TNKS: variants seen among roughly 807,000 people sequenced by gnomAD.
The protein encoded by TNKS is poly [ADP-ribose] polymerase tankyrase-1.
A neutral mutation model predicts 135.8 loss-of-function variants in TNKS; 72 were observed. The observed-to-expected ratio is 0.53, with a 90% CI of 0.44 to 0.64. TNKS has a LOEUF of 0.64. Among genes scored for constraint, TNKS ranks in the 30% least tolerant of loss-of-function variants. The pLI, the probability that TNKS is intolerant of heterozygous loss-of-function variation, is 0.00. For missense variants in TNKS, 1,769 were observed against 1,674.0 expected (o/e 1.06, Z -0.99); for synonymous variants, 849 against 649.3 (o/e 1.31, Z -4.68).
At chr8:9,678,011 C>T (rs892702100) in intron 3 of TNKS, among the ~76,000 whole-genome samples, 1 of 152,154 alleles carries the variant, frequency 6.6e-6, no homozygotes, top group Non-Finnish European at 1.5e-5. Flanking sequence ...TCATTAATCC[C>T]ATTTACACTG....
At chr8:9,760,802 C>A (rs6994452) in intron 20 of TNKS, among the ~76,000 whole-genome samples, 13,564 of 152,134 alleles carry the variant, frequency 0.089, 727 homozygotes, top group South Asian at 0.16. Flanking sequence ...AAGTTAAAAA[C>A]TAACCAAAAA....
intron 3 of TNKS, among the ~76,000 whole-genome samples, chr8:9,619,925 A>G (rs1799802347): frequency 6.6e-6 from 1 of 151,610 alleles, no homozygotes; most frequent in East Asian, 1.9e-4. Flanking sequence ...TGCTGAAACC[A>G]AAATTTGGAA....
intron 5 of TNKS, among the ~76,000 whole-genome samples, chr8:9,697,185 A>G (rs747240326): frequency 2.6e-5 from 4 of 152,182 alleles, no homozygotes; most frequent in Non-Finnish European, 2.9e-5. Context: ...AGTCCAACGA[A>G]AAGAATTAAT....
chr8:9,613,148 A>G (rs1022911664), intron 2 of TNKS, among the ~76,000 whole-genome samples: 1 of 152,212 alleles, frequency 6.6e-6, no homozygotes, highest in Non-Finnish European at 1.5e-5. Flanking sequence ...TGTCAGCTAC[A>G]GTTGAGACAG....
chr8:9,565,781 C>G (rs972803725), intron 1 of TNKS, among the ~76,000 whole-genome samples: 15 of 151,958 alleles, frequency 9.9e-5, no homozygotes, highest in Admixed American at 9.8e-4. Flanking sequence ...GGCGTGAACC[C>G]CGGAGGCAGA....
intron 2 of TNKS, among the ~76,000 whole-genome samples, chr8:9,594,618 G>A (rs952061664): frequency 3.1e-4 from 47 of 151,998 alleles, no homozygotes; most frequent in African/African-American, 1.1e-3. Context: ...ACTTTATGTA[G>A]TAACATATTT....
intron 17 of TNKS, among the ~76,000 whole-genome samples, chr8:9,744,851 ACAAGCATGTAGTTGGTTTGTC>A (rs1456080522): frequency 6.6e-6 from 1 of 152,202 alleles, no homozygotes; most frequent in African/African-American, 2.4e-5. Flanking sequence ...AGAAAATTTC[ACAAGCATGTAGTTGGTTTGTC>A]CAAGCATAAA....
intron 17 of TNKS, chr8:9,741,205 A>G (rs914822346): frequency 5.2e-5 from 8 of 152,588 alleles, no homozygotes; most frequent in African/African-American, 1.9e-4. Flanking sequence ...TTCTCTTCAT[A>G]TGGTTTTCTA....
chr8:9,727,565 C>T (rs1446484702), intron 13 of TNKS, among the ~76,000 whole-genome samples: 1 of 152,198 alleles, frequency 6.6e-6, no homozygotes, highest in Non-Finnish European at 1.5e-5. Context: ...GTGTGCACCA[C>T]TGCACCCAGC....
At chr8:9,718,545 A>G (rs949537139) in intron 11 of TNKS, among the ~76,000 whole-genome samples, 2 of 152,170 alleles carry the variant, frequency 1.3e-5, no homozygotes, top group Non-Finnish European at 2.9e-5. Context: ...CATGTCCTAA[A>G]TATTTCGGGC....
At position 9,668,490 on chromosome 8, in the gene TNKS, G is replaced by C. The variant is rs73664775; in HGVS notation, c.995-11461G>C. Among the ~76,000 whole-genome samples, 1,152 of 152,276 alleles carry C rather than the reference G, an allele frequency of 7.6e-3. 13 individuals carry two copies. The highest frequency in any genetic ancestry group is 0.026 in the African/African-American group (1,068 of 41,530). On this transcript the variant is annotated intron_variant, in intron 3 of 26. Transcript: ENST00000310430. Reference sequence around the variant, plus strand: ...CATAATGGTTAGAAATATAATCTTAGAACAGGCTTGACAAGATAAACTAGT... The same window carrying C: ...CATAATGGTTAGAAATATAATCTTACAACAGGCTTGACAAGATAAACTAGT...
At chr8:9,588,671 A>G (rs970204177) in intron 2 of TNKS, among the ~76,000 whole-genome samples, 1 of 152,180 alleles carries the variant, frequency 6.6e-6, no homozygotes, top group Non-Finnish European at 1.5e-5. Context: ...TAGGGCCCCA[A>G]TATTTCTTTC....
rs115781526 is a variant in TNKS at position 9,608,468 on chromosome 8, C to A, written c.899-7114C>A. 5.6e-3 allele frequency among the ~76,000 whole-genome samples: 851 copies of A among 152,062 alleles called. 5 individuals carry two copies. The highest frequency in any genetic ancestry group is 0.018 in the African/African-American group (738 of 41,430). ...TTAGGTTCTCTTTACTTTCTCAAGG[C>A]TAGAATTGCAATTTCTTTCAGCACT... On this transcript the variant is annotated intron_variant, in intron 2 of 26. Transcript: ENST00000310430.
chr8:9,726,550 C>G (rs540629464), intron 12 of TNKS, 91 bp from the exon 13 acceptor site: 1 of 868,726 alleles, frequency 1.2e-6, no homozygotes, highest in African/African-American at 1.7e-5. Context: ...ACTTTGCAAT[C>G]CCTCAAGAAC....
chr8:9,576,130 C>T (rs1307790097), intron 1 of TNKS, among the ~76,000 whole-genome samples: 1 of 152,088 alleles, frequency 6.6e-6, no homozygotes, highest in Non-Finnish European at 1.5e-5. Context: ...ACCTGATTGG[C>T]TTAATTAGGA....
intron 22 of TNKS, 94 bp from the exon 23 acceptor site, chr8:9,764,622 T>A (rs951794168): frequency 1.2e-6 from 1 of 839,268 alleles, no homozygotes; most frequent in Non-Finnish European, 1.8e-6. Flanking sequence ...TATAGTGAAC[T>A]CCTATTTATT....
At chr8:9,589,688 C>G (rs1798516499) in intron 2 of TNKS, among the ~76,000 whole-genome samples, 1 of 152,238 alleles carries the variant, frequency 6.6e-6, no homozygotes, top group Non-Finnish European at 1.5e-5. Flanking sequence ...GAATCTACAA[C>G]TGAGAGTAAA....
intron 3 of TNKS, among the ~76,000 whole-genome samples, chr8:9,620,161 G>C (rs959301640): frequency 6.6e-6 from 1 of 152,084 alleles, no homozygotes. Context: ...CTTTGGCCAG[G>C]ATGGTCTCGA....
intron 14 of TNKS, 59 bp downstream of exon 14, chr8:9,731,094 A>G (rs1805415814): frequency 6.9e-7 from 1 of 1,452,058 alleles, no homozygotes; most frequent in Non-Finnish European, 9.1e-7. Context: ...AAAATTTAAA[A>G]TATTTTTGAA....
Sources: allele counts gnomAD v4.1 joint callset (sites outside exome capture counted in the v4.1 genomes callset), GRCh38; gene constraint gnomAD v4.1.1; transcripts MANE v1.5; gene names NCBI Gene and HGNC (gene_info 2026-07-23, HGNC 2026-07-21).